Variants in LRRC74A observed in about 807,000 individuals in gnomAD.
LRRC74A encodes the protein leucine rich repeat containing 74A, also known as leucine-rich repeat-containing protein 74A.
A neutral mutation model predicts 57.9 loss-of-function variants in LRRC74A; 44 were observed. The ratio of observed to expected loss-of-function variants is 0.76; its 90% CI spans 0.60 to 0.98. The LOEUF is 0.98. LRRC74A is among the 50% of genes least tolerant of loss of function. LRRC74A has a pLI of 0.00. For synonymous variants in LRRC74A, 211 were observed against 219.4 expected, an observed-to-expected ratio of 0.96 and a Z score of 0.34; for missense variants, 572 against 574.0, an observed-to-expected ratio of 1.00 and a Z score of 0.04.
intron 11 of LRRC74A, among the ~76,000 whole-genome samples, chr14:76,864,388 GGAGTTTCTGA>G (rs1309584791): frequency 8.0e-6 from 1 of 124,340 alleles, no homozygotes; most frequent in African/African-American, 3.1e-5. Context: ...ACGCTGTCTG[GGAGTTTCTGA>G]GAGTGAGAGG....
intron 1 of LRRC74A, 37 bp from the exon 2 acceptor site, chr14:76,828,254 T>C: frequency 6.4e-7 from 1 of 1,556,816 alleles, no homozygotes. Context: ...CAGCAAGTTT[T>C]ATTCCTGGCA....
In LRRC74A at chr14:76,844,545, T is replaced by C; in HGVS notation, c.594+73T>C. 4 of 1,460,122 alleles carry C rather than the reference T, an allele frequency of 2.7e-6. No individual in the cohort carries two copies. The South Asian group carries it at 3.6e-5, about 13-fold the overall frequency. 90.4% of individuals were successfully genotyped at this position (1,460,122 alleles called of 1,614,324 possible). A position where few individuals can be genotyped will look rare whatever the true frequency, so the allele number is the denominator to read the frequency against. On this transcript the variant is annotated intron_variant, in intron 6 of 13. Transcript: ENST00000689127. ...AGATCTGGGCAACCTGGGGCTGCTATGGGCACAGTAACGTGAGGCTACTTT... is the reference window on the plus strand; with the variant it reads ...AGATCTGGGCAACCTGGGGCTGCTACGGGCACAGTAACGTGAGGCTACTTT...
intron 7 of LRRC74A, 76 bp from the exon 8 acceptor site, chr14:76,852,289 C>G: frequency 8.6e-7 from 1 of 1,160,188 alleles, no homozygotes; most frequent in Non-Finnish European, 1.3e-6. Context: ...TCCCCAGTGT[C>G]ATGGACATCT....
intron 11 of LRRC74A, among the ~76,000 whole-genome samples, chr14:76,862,098 C>G (rs1190653560): frequency 6.6e-6 from 1 of 152,174 alleles, no homozygotes; most frequent in Non-Finnish European, 1.5e-5. Flanking sequence ...AGTGGGGACC[C>G]CACCTCTTGT....
At chr14:76,858,485 G>A (rs1417845030) in intron 10 of LRRC74A, among the ~76,000 whole-genome samples, 1 of 152,160 alleles carries the variant, frequency 6.6e-6, no homozygotes, top group Non-Finnish European at 1.5e-5. Flanking sequence ...CAAAGACCCT[G>A]TTTCCAAACA....
At chr14:76,844,559 T>G (rs1205677149) in intron 6 of LRRC74A, 87 bp downstream of exon 6, 6 of 1,343,732 alleles carry the variant, frequency 4.5e-6, no homozygotes, top group African/African-American at 4.3e-5. Context: ...CACAGTAACG[T>G]GAGGCTACTT....
At chr14:76,840,709 G>A (rs988609612) in intron 5 of LRRC74A, among the ~76,000 whole-genome samples, 3 of 149,332 alleles carry the variant, frequency 2.0e-5, no homozygotes, top group African/African-American at 4.9e-5. Context: ...TCAGCCTCCC[G>A]AGTAGCGGGG....
At chr14:76,869,760 TA>T (rs111436232) in intron 13 of LRRC74A, among the ~76,000 whole-genome samples, 5,871 of 108,694 alleles carry the variant, frequency 0.054, 228 homozygotes, top group Admixed American at 0.12. Flanking sequence ...AGACTCCATC[TA>T]AAAAAAAAAA....
rs1036371009 is a variant in LRRC74A, at chr14:76,836,415, G to C, written c.447+101G>C. On this transcript the variant is annotated intron_variant, in intron 4 of 13. Coordinates refer to ENST00000689127, the MANE Select transcript of LRRC74A (RefSeq NM_001385106.1). The stretch of plus-strand genomic sequence containing the variant: ...CTGCCAGGACCCAGGCTGCCTCCAG[G>C]CTCCTGCCCGCCCCTGCCCTTCCCA... 5.3e-5 allele frequency: 40 copies of C among 756,366 alleles called. No homozygotes were observed. The South Asian group carries it at 6.9e-4, about 13-fold the overall frequency. The allele number at this position is 756,366 out of a possible 1,614,324, so 46.9% of individuals were successfully genotyped here.
intron 9 of LRRC74A, among the ~76,000 whole-genome samples, chr14:76,855,882 C>A (rs1897842149): frequency 6.6e-6 from 1 of 152,168 alleles, no homozygotes; most frequent in South Asian, 2.1e-4. Context: ...TAATGCTTTG[C>A]CTGAATTGAT....
intron 7 of LRRC74A, among the ~76,000 whole-genome samples, chr14:76,850,556 T>C (rs1180356253): frequency 1.3e-5 from 2 of 152,054 alleles, no homozygotes; most frequent in African/African-American, 4.8e-5. Flanking sequence ...GATCAGAACG[T>C]AGTGCACTGT....
chr14:76,866,177 G>T (rs1455627303), intron 12 of LRRC74A, 102 bp downstream of exon 12: 1 of 884,128 alleles, frequency 1.1e-6, no homozygotes, highest in Non-Finnish European at 1.8e-6. Context: ...GAGCTTGTGA[G>T]CACTTCCTAG....
At chr14:76,859,041 G>A (rs201194347) in intron 10 of LRRC74A, among the ~76,000 whole-genome samples, 8 of 152,114 alleles carry the variant, frequency 5.3e-5, no homozygotes, top group Non-Finnish European at 1.0e-4. Flanking sequence ...CCTGCCGCAG[G>A]CCCTTCTTGT....
chr14:76,828,607 C>A (rs2142189), intron 2 of LRRC74A, 188 bp downstream of exon 2: 2 of 809,924 alleles, frequency 2.5e-6, no homozygotes, highest in Non-Finnish European at 4.1e-6. Context: ...GGGAGAGCAG[C>A]TGCAGCTTCC....
chr14:76,829,032 G>A, intron 2 of LRRC74A: 1 of 1,289,376 alleles, frequency 7.8e-7, no homozygotes, highest in Admixed American at 2.3e-5. Flanking sequence ...GGGACTGGCT[G>A]AGCTGAAACA....
chr14:76,867,823 G>T (rs950626125), intron 13 of LRRC74A, among the ~76,000 whole-genome samples: 9 of 152,216 alleles, frequency 5.9e-5, no homozygotes, highest in African/African-American at 2.2e-4. Flanking sequence ...CGCTCAGGCG[G>T]GAGGCGGCAA....
intron 2 of LRRC74A, among the ~76,000 whole-genome samples, chr14:76,829,644 C>CAA (rs1895832654): frequency 6.6e-6 from 1 of 152,210 alleles, no homozygotes; most frequent in Non-Finnish European, 1.5e-5. Context: ...GGGTCAGCAT[C>CAA]AAACCCAGCA....
At position 76,855,588 on chromosome 14, in the gene LRRC74A, G is replaced by A. The variant is rs76308589; in HGVS notation, c.958-1792G>A. 8.7e-3 allele frequency among the ~76,000 whole-genome samples: 1,320 copies of A among 152,250 alleles called. 24 individuals are homozygous for A. Among genetic ancestry groups the A allele is most frequent in the African/African-American group, 0.03 (1,251 of 41,538 alleles). ...ACTTTGCCACAGGAATTATCTATGG[G>A]TCTCCACATCCAGCCCTGATGCCCC... On this transcript the variant is annotated intron_variant, in intron 9 of 13. Transcript: ENST00000689127.
intron 5 of LRRC74A, among the ~76,000 whole-genome samples, chr14:76,840,556 T>C (rs573070003): frequency 2.0e-5 from 3 of 152,000 alleles, no homozygotes; most frequent in African/African-American, 4.8e-5. Context: ...GAGTCTCTAT[T>C]TTATTTCATT....
Sources: gnomAD v4.1 joint callset for allele counts (sites outside exome capture counted in the v4.1 genomes callset) on GRCh38, gnomAD v4.1.1 for gene constraint, MANE v1.5 for transcripts, NCBI Gene and HGNC (gene_info 2026-07-23, HGNC 2026-07-21) for gene names.